Variants in LRP1B observed in about 807,000 individuals in gnomAD.
LRP1B encodes the protein LDL receptor related protein 1B.
A neutral mutation model predicts 556.6 loss-of-function variants in LRP1B; 217 were observed. The observed-to-expected ratio is 0.39, with a 90% CI of 0.35 to 0.44. The LOEUF (loss-of-function observed/expected upper bound fraction) is 0.44, where lower values mean the gene tolerates loss of function less well. Among genes scored for constraint, LRP1B ranks in the 20% least tolerant of loss-of-function variants. The pLI is 1.00. For missense variants in LRP1B, 5,053 were observed against 5,620.8 expected, an observed-to-expected ratio of 0.90 and a Z score of 3.23; for synonymous variants, 2,047 against 1,865.8, an observed-to-expected ratio of 1.10 and a Z score of -2.50.
chr2:141,027,390 A>G (rs1043878433), intron 11 of LRP1B, among the ~76,000 whole-genome samples: 1 of 152,164 alleles, frequency 6.6e-6, no homozygotes, highest in Non-Finnish European at 1.5e-5. Flanking sequence ...TGCCTGGCAC[A>G]TAATCAAATT....
At chr2:141,905,134 G>T (rs770703417) in intron 1 of LRP1B, among the ~76,000 whole-genome samples, 9 of 151,884 alleles carry the variant, frequency 5.9e-5, no homozygotes, top group Non-Finnish European at 1.2e-4. Context: ...GTAGTTTTGT[G>T]CATTGAAATG....
chr2:140,906,244 T>A (rs1185600633), intron 22 of LRP1B, among the ~76,000 whole-genome samples: 1 of 152,142 alleles, frequency 6.6e-6, no homozygotes, highest in Non-Finnish European at 1.5e-5. Flanking sequence ...TTTGAAATGT[T>A]TGGGCAAAGC....
At chr2:140,891,649 C>G (rs1693802357) in intron 23 of LRP1B, among the ~76,000 whole-genome samples, 1 of 152,016 alleles carries the variant, frequency 6.6e-6, no homozygotes, top group African/African-American at 2.4e-5. Flanking sequence ...GACTTGCTTC[C>G]CTCCATTTCT....
intron 32 of LRP1B, among the ~76,000 whole-genome samples, chr2:140,780,583 C>T (rs578161837): frequency 1.2e-3 from 183 of 152,224 alleles, no homozygotes; most frequent in African/African-American, 4.2e-3. Context: ...CTCACCCTCT[C>T]GGACCCAATG....
intron 35 of LRP1B, among the ~76,000 whole-genome samples, chr2:140,736,088 A>G (rs288120): frequency 0.18 from 28,002 of 152,032 alleles, 2,728 homozygotes; most frequent in East Asian, 0.29. Flanking sequence ...GCCTTTCTTC[A>G]TGTAGAAATA....
intron 2 of LRP1B, among the ~76,000 whole-genome samples, chr2:141,786,380 T>C (rs1026625335): frequency 3.9e-5 from 6 of 151,902 alleles, no homozygotes; most frequent in African/African-American, 1.4e-4. Context: ...AAGAACCAGA[T>C]ATATTCTGTA....
intron 1 of LRP1B, among the ~76,000 whole-genome samples, chr2:142,120,148 G>C (rs1324919929): frequency 3.9e-5 from 6 of 152,090 alleles, no homozygotes; most frequent in Admixed American, 3.9e-4. Context: ...CAGAGTCTCA[G>C]TTGCTCAGGT....
At chr2:141,182,703 A>G (rs1320830868) in intron 7 of LRP1B, among the ~76,000 whole-genome samples, 2 of 151,958 alleles carry the variant, frequency 1.3e-5, no homozygotes, top group Non-Finnish European at 2.9e-5. Context: ...GAGGGAAACT[A>G]AGTTTATAGA....
chr2:141,881,228 G>A (rs181553431), intron 1 of LRP1B, among the ~76,000 whole-genome samples: 62 of 152,186 alleles, frequency 4.1e-4, no homozygotes, highest in Non-Finnish European at 7.5e-4. Flanking sequence ...GAGAGAAGGG[G>A]AAGAAAAGTA....
chr2:141,438,433 G>T (rs937699651), intron 3 of LRP1B, among the ~76,000 whole-genome samples: 2 of 152,002 alleles, frequency 1.3e-5, no homozygotes, highest in African/African-American at 4.8e-5. Flanking sequence ...CAGATCCATG[G>T]GTAGAATACA....
At chr2:142,055,279 C>T (rs754101340) in intron 1 of LRP1B, among the ~76,000 whole-genome samples, 21 of 152,050 alleles carry the variant, frequency 1.4e-4, no homozygotes, top group South Asian at 2.1e-4. Context: ...GGTAAGAAAA[C>T]ATCCCTCCAT....
intron 2 of LRP1B, among the ~76,000 whole-genome samples, chr2:141,490,957 C>T (rs577313715): frequency 1.1e-3 from 152 of 139,002 alleles, no homozygotes; most frequent in Non-Finnish European, 1.8e-3. Flanking sequence ...TTTTTTTAAT[C>T]TCTTACAGCC....
At chr2:142,008,930 C>A (rs1315568301) in intron 1 of LRP1B, among the ~76,000 whole-genome samples, 1 of 152,146 alleles carries the variant, frequency 6.6e-6, no homozygotes, top group African/African-American at 2.4e-5. Flanking sequence ...TCTTGCTCTT[C>A]ATCACAGTTC....
At chr2:141,510,972 G>A (rs1684110797) in intron 2 of LRP1B, among the ~76,000 whole-genome samples, 1 of 151,492 alleles carries the variant, frequency 6.6e-6, no homozygotes, top group African/African-American at 2.4e-5. Context: ...GATAGAGAGT[G>A]GAGAATAGAG....
intron 1 of LRP1B, among the ~76,000 whole-genome samples, chr2:141,985,935 T>C (rs1255055824): frequency 6.6e-6 from 1 of 152,020 alleles, no homozygotes. Context: ...CCAGGAATAT[T>C]TTACAATTAT....
chr2:140,721,425 T>G (rs1212348354), intron 35 of LRP1B, among the ~76,000 whole-genome samples: 1 of 152,008 alleles, frequency 6.6e-6, no homozygotes, highest in East Asian at 1.9e-4. Context: ...TTTAAAAAAA[T>G]TATATGTTAT....
chr2:140,385,834 C>A, intron 67 of LRP1B, 59 bp downstream of exon 67: 1 of 1,143,004 alleles, frequency 8.7e-7, no homozygotes, highest in South Asian at 1.3e-5. Flanking sequence ...TAAAAATTGC[C>A]ATCCTGCTTA....
intron 52 of LRP1B, among the ~76,000 whole-genome samples, chr2:140,509,212 C>T (rs938710045): frequency 6.6e-6 from 1 of 152,008 alleles, no homozygotes; most frequent in Non-Finnish European, 1.5e-5. Context: ...GAGTTCGCAG[C>T]ATTATTTCTG....
At chr2:141,323,958 A>G (rs1365031744) in intron 3 of LRP1B, among the ~76,000 whole-genome samples, 2 of 144,226 alleles carry the variant, frequency 1.4e-5, no homozygotes, top group Non-Finnish European at 3.1e-5. Flanking sequence ...AGGAAACCAC[A>G]CACACATACA....
Sources: gnomAD v4.1 joint callset for allele counts (sites outside exome capture counted in the v4.1 genomes callset) on GRCh38, gnomAD v4.1.1 for gene constraint, MANE v1.5 for transcripts, NCBI Gene and HGNC (gene_info 2026-07-23, HGNC 2026-07-21) for gene names.